The following RBMS3 variants were observed in gnomAD, a reference collection of about 807,000 sequenced individuals.
The protein encoded by RBMS3 is RNA-binding motif, single-stranded-interacting protein 3.
A neutral mutation model predicts 66.8 loss-of-function variants in RBMS3; 27 were observed. The ratio of observed to expected loss-of-function variants is 0.40; its 90% confidence interval spans 0.30 to 0.56. RBMS3 has a LOEUF of 0.56. Ranked by LOEUF, RBMS3 falls within the 20% of genes least tolerant of loss-of-function variation. The pLI is 0.40. For missense variants in RBMS3, 513 were observed against 549.5 expected, an observed-to-expected ratio of 0.93 and a Z score of 0.66; for synonymous variants, 188 against 183.0, an observed-to-expected ratio of 1.03 and a Z score of -0.22.
intron 10 of RBMS3, among the ~76,000 whole-genome samples, chr3:29,904,651 A>T (rs762641284): frequency 9.2e-5 from 14 of 152,060 alleles, no homozygotes; most frequent in Non-Finnish European, 1.8e-4. Context: ...AAAATTTGAT[A>T]TACATTATTT....
At chr3:29,360,497 G>A (rs1490553782) in intron 1 of RBMS3, among the ~76,000 whole-genome samples, 1 of 152,028 alleles carries the variant, frequency 6.6e-6, no homozygotes, top group Non-Finnish European at 1.5e-5. Flanking sequence ...TAGCTGTGGT[G>A]TCGTGCTGAG....
At chr3:29,400,829 A>G (rs966145229) in intron 1 of RBMS3, among the ~76,000 whole-genome samples, 4 of 152,098 alleles carry the variant, frequency 2.6e-5, no homozygotes, top group African/African-American at 9.7e-5. Flanking sequence ...CAGGAACTCC[A>G]TGACACTTCT....
At position 29,740,228 on chromosome 3, in the gene RBMS3, G is replaced by A. The variant is rs564698197; in HGVS notation, c.557+351G>A. Among the ~76,000 whole-genome samples the A allele has an allele frequency of 6.6e-5, 10 of 152,178 alleles. No individual in the cohort carries two copies. In the East Asian group the frequency reaches 1.5e-3, roughly 24 times the overall value. On this transcript the variant is annotated intron_variant, in intron 5 of 14. Transcript: ENST00000383767. ...AAATGCCCAGTACCCCAAAGCAAAA[G>A]AGCCCATGTGGTGAACAAAGCATCT... is the stretch of plus-strand genomic sequence containing the variant.
At chr3:29,917,605 T>C (rs1412619424) in intron 10 of RBMS3, among the ~76,000 whole-genome samples, 1 of 152,080 alleles carries the variant, frequency 6.6e-6, no homozygotes, top group Non-Finnish European at 1.5e-5. Context: ...TCTAATCTCA[T>C]GCATGTGTGT....
intron 8 of RBMS3, among the ~76,000 whole-genome samples, chr3:29,890,548 G>C (rs1342800678): frequency 6.6e-6 from 1 of 151,430 alleles, no homozygotes; most frequent in East Asian, 1.9e-4. Flanking sequence ...GCTTAATGCT[G>C]ATTCACTTGA....
At chr3:29,573,931 TA>T (rs1199228007) in intron 3 of RBMS3, among the ~76,000 whole-genome samples, 1 of 152,222 alleles carries the variant, frequency 6.6e-6, no homozygotes, top group African/African-American at 2.4e-5. Flanking sequence ...AGATACTTGA[TA>T]TTTTTTCCAT....
intron 4 of RBMS3, among the ~76,000 whole-genome samples, chr3:29,671,515 A>G (rs2050999850): frequency 1.3e-5 from 2 of 152,222 alleles, no homozygotes; most frequent in Admixed American, 1.3e-4. Context: ...AACCCATCGC[A>G]AAGAAGCTAA....
chr3:29,705,793 A>C (rs1000867459), intron 4 of RBMS3, among the ~76,000 whole-genome samples: 2 of 152,190 alleles, frequency 1.3e-5, no homozygotes. Context: ...ATTCATGCAA[A>C]TATTAGGAAT....
intron 6 of RBMS3, among the ~76,000 whole-genome samples, chr3:29,787,880 A>G (rs141008111): frequency 3.3e-5 from 5 of 152,164 alleles, no homozygotes; most frequent in African/African-American, 4.8e-5. Context: ...ATATTTAGCC[A>G]TTTATTTTTC....
At chr3:29,537,136 G>C (rs1237294006) in intron 3 of RBMS3, among the ~76,000 whole-genome samples, 1 of 152,050 alleles carries the variant, frequency 6.6e-6, no homozygotes, top group Non-Finnish European at 1.5e-5. Context: ...AGTGTTTTTA[G>C]ATTTTTACTA....
chr3:29,834,360 A>T (rs2058450241), intron 6 of RBMS3, among the ~76,000 whole-genome samples: 1 of 152,098 alleles, frequency 6.6e-6, no homozygotes, highest in Non-Finnish European at 1.5e-5. Flanking sequence ...AGGTTAAAGA[A>T]CAAAAGTATT....
At chr3:29,510,851 G>A (rs2044370538) in intron 3 of RBMS3, among the ~76,000 whole-genome samples, 1 of 152,038 alleles carries the variant, frequency 6.6e-6, no homozygotes, top group South Asian at 2.1e-4. Context: ...CATTTCTCTT[G>A]TTTAAAATTA....
chr3:29,645,192 T>C (rs1366682960), intron 4 of RBMS3, among the ~76,000 whole-genome samples: 1 of 152,236 alleles, frequency 6.6e-6, no homozygotes. Flanking sequence ...AAGAGCTTGT[T>C]TGAGCAATGG....
intron 1 of RBMS3, among the ~76,000 whole-genome samples, chr3:29,334,122 G>A (rs957006861): frequency 2.0e-5 from 3 of 152,162 alleles, no homozygotes; most frequent in Non-Finnish European, 4.4e-5. Context: ...TATTAGCTTA[G>A]TACCCAACAA....
At chr3:29,404,452 T>C (rs1396967776) in intron 1 of RBMS3, among the ~76,000 whole-genome samples, 3 of 152,160 alleles carry the variant, frequency 2.0e-5, no homozygotes, top group Non-Finnish European at 2.9e-5. Context: ...TACAGCTTAC[T>C]ATCTAAATGC....
Position 29,996,525 on chromosome 3 carries a change from T to C in RBMS3, c.1307+5316T>C, listed in dbSNP as rs879861322. On this transcript the variant is annotated intron_variant, in intron 14 of 14. Coordinates refer to ENST00000383767, the MANE Select transcript of RBMS3 (RefSeq NM_001003793.3). Reference sequence around the variant, plus strand: ...TTGACCACATACTTGGAAGTAAAGCTCTCCTCAGCAAATGTAAAAGAACAG... The same window carrying C: ...TTGACCACATACTTGGAAGTAAAGCCCTCCTCAGCAAATGTAAAAGAACAG... Among the ~76,000 whole-genome samples the C allele has an allele frequency of 3.5e-3, 519 of 147,462 alleles. 12 individuals carry two copies. The highest frequency in any genetic ancestry group is 0.031 in the Admixed American group (465 of 14,774).
chr3:29,474,099 C>A (rs149448202), intron 2 of RBMS3, among the ~76,000 whole-genome samples: 1 of 152,266 alleles, frequency 6.6e-6, no homozygotes, highest in Admixed American at 6.5e-5. Context: ...CCGCGCCCAG[C>A]GCCTCTTCTA....
intron 1 of RBMS3, among the ~76,000 whole-genome samples, chr3:29,407,215 C>T (rs928824794): frequency 2.6e-5 from 4 of 152,200 alleles, no homozygotes; most frequent in Admixed American, 2.0e-4. Flanking sequence ...AGTGGTTTAA[C>T]ATCTGCTCAG....
At chr3:29,699,218 T>C (rs2052429805) in intron 4 of RBMS3, among the ~76,000 whole-genome samples, 1 of 152,166 alleles carries the variant, frequency 6.6e-6, no homozygotes, top group African/African-American at 2.4e-5. Context: ...TGTCACAATC[T>C]CAGCTCACTG....
Sources: allele counts gnomAD v4.1 joint callset (sites outside exome capture counted in the v4.1 genomes callset), GRCh38; gene constraint gnomAD v4.1.1; transcripts MANE v1.5; gene names NCBI Gene and HGNC (gene_info 2026-07-23, HGNC 2026-07-21).